Variants in GALNT18 observed in about 807,000 individuals in gnomAD.
The protein encoded by GALNT18 is GalNAc-transferase 18.
A neutral mutation model predicts 69.5 loss-of-function variants in GALNT18; 44 were observed. The ratio of observed to expected loss-of-function variants is 0.63; its 90% CI spans 0.50 to 0.81. The LOEUF (loss-of-function observed/expected upper bound fraction) is 0.81, where lower values mean the gene tolerates loss of function less well. Among genes scored for constraint, GALNT18 ranks in the 40% least tolerant of loss-of-function variants. The pLI, the probability that GALNT18 is intolerant of heterozygous loss-of-function variation, is 0.00. For synonymous variants in GALNT18, 364 were observed against 318.2 expected (o/e 1.14, Z -1.53); for missense variants, 715 against 810.0 (o/e 0.88, Z 1.42).
intron 1 of GALNT18, among the ~76,000 whole-genome samples, chr11:11,550,739 C>A (rs1858168492): frequency 6.6e-6 from 1 of 152,204 alleles, no homozygotes; most frequent in Admixed American, 6.5e-5. Flanking sequence ...AAGGTGGTAG[C>A]CACCCAGCCA....
At chr11:11,576,079 C>T (rs1858917602) in intron 1 of GALNT18, among the ~76,000 whole-genome samples, 1 of 152,190 alleles carries the variant, frequency 6.6e-6, no homozygotes. Flanking sequence ...TTCCACTGAA[C>T]CACTGGGCTA....
intron 3 of GALNT18, among the ~76,000 whole-genome samples, chr11:11,407,123 G>A (rs1165158069): frequency 6.6e-6 from 1 of 152,232 alleles, no homozygotes; most frequent in East Asian, 1.9e-4. Context: ...CCAAGCCCAG[G>A]ACTTGGGAAC....
intron 1 of GALNT18, among the ~76,000 whole-genome samples, chr11:11,588,881 A>T (rs1451641382): frequency 1.3e-5 from 2 of 152,214 alleles, no homozygotes; most frequent in African/African-American, 4.8e-5. Flanking sequence ...ACCATCGAAC[A>T]AGCAGTGCCC....
intron 1 of GALNT18, among the ~76,000 whole-genome samples, chr11:11,495,574 T>A (rs961435470): frequency 1.3e-5 from 2 of 152,146 alleles, no homozygotes; most frequent in Non-Finnish European, 2.9e-5. Context: ...GATGAAGTAG[T>A]TATGACAGAA....
rs553448986 is a variant in GALNT18, at chr11:11,538,191, A to G, written c.235+83168T>C. Among the ~76,000 whole-genome samples, 5 of 152,214 alleles carry G rather than the reference A, an allele frequency of 3.3e-5. No individual in the cohort carries two copies. The South Asian group carries it at 8.3e-4, about 25-fold the overall frequency. ...ATTACACAAAAAGCAAGCAGCAGAG[A>G]CAGAATTCAAACCCAATCTGACACC... On this transcript the variant is annotated intron_variant, in intron 1 of 10. Coordinates refer to ENST00000227756, the MANE Select transcript of GALNT18 (RefSeq NM_198516.3). This position sits in a 1 kb window ranked among gnomAD's most constrained non-coding sequence, Gnocchi z 5.2.
intron 1 of GALNT18, among the ~76,000 whole-genome samples, chr11:11,530,458 A>G (rs1857621055): frequency 6.6e-6 from 1 of 152,218 alleles, no homozygotes; most frequent in South Asian, 2.1e-4. Flanking sequence ...GACCCTGCTC[A>G]AAATGCCAGT....
intron 9 of GALNT18, among the ~76,000 whole-genome samples, chr11:11,316,373 T>C (rs1379084055): frequency 6.6e-6 from 1 of 152,182 alleles, no homozygotes; most frequent in Non-Finnish European, 1.5e-5. Context: ...ACTTCTGCAA[T>C]TGTCTCTGAG....
chr11:11,596,026 A>G lies in GALNT18; in HGVS notation c.235+25333T>C, dbSNP rs6485022. Among the ~76,000 whole-genome samples the G allele has an allele frequency of 0.023, 3,531 of 152,216 alleles. 149 individuals carry two copies. The highest frequency in any genetic ancestry group is 0.081 in the African/African-American group (3,358 of 41,522). ...AGAGTTCTATGATTTTATCTCTTAT[A>G]TTTAGTTCTATGATCCATTTTGAGT... is the stretch of plus-strand genomic sequence containing the variant. On this transcript the variant is annotated intron_variant, in intron 1 of 10. Transcript: ENST00000227756. The surrounding 1 kb of genome is among the most constrained non-coding windows in gnomAD (Gnocchi z 4.2).
In GALNT18 at chr11:11,320,939, C is replaced by T. The variant is rs915485829; in HGVS notation, c.1512+6147G>A. 4.6e-5 allele frequency among the ~76,000 whole-genome samples: 7 copies of T among 152,146 alleles called. No individual in the cohort carries two copies. The highest frequency in any genetic ancestry group is 2.1e-4 in the South Asian group (1 of 4,828). ...AGTTGTGCATCTGAGCATGGCCTGG[C>T]GTGAAAGGTCACCAGGACACCAAGG... On this transcript the variant is annotated intron_variant, in intron 9 of 10. Transcript: ENST00000227756. The surrounding 1 kb of genome is among the most constrained non-coding windows in gnomAD (Gnocchi z 4.9).
intron 9 of GALNT18, among the ~76,000 whole-genome samples, chr11:11,313,570 T>C (rs748698528): frequency 2.0e-5 from 3 of 152,180 alleles, no homozygotes; most frequent in Non-Finnish European, 2.9e-5. Context: ...CACCCTGTGA[T>C]GGCTTATTGT....
chr11:11,527,642 A>C (rs1156301667), intron 1 of GALNT18, among the ~76,000 whole-genome samples: 1 of 152,192 alleles, frequency 6.6e-6, no homozygotes, highest in Non-Finnish European at 1.5e-5. Flanking sequence ...TAAAACCCTA[A>C]GTCTAAATGT....
intron 10 of GALNT18, among the ~76,000 whole-genome samples, chr11:11,291,364 G>A (rs1564882459): frequency 6.6e-6 from 1 of 152,172 alleles, no homozygotes; most frequent in African/African-American, 2.4e-5. Context: ...TGAGCACCTT[G>A]GGCATGTTCG....
At chr11:11,615,872 G>A (rs984971088) in intron 1 of GALNT18, among the ~76,000 whole-genome samples, 11 of 152,142 alleles carry the variant, frequency 7.2e-5, no homozygotes, top group African/African-American at 2.7e-4. Context: ...GAAAACCACT[G>A]CCCTAAGGCA....
chr11:11,325,666 G>T (rs558159926), intron 9 of GALNT18, among the ~76,000 whole-genome samples: 52 of 152,216 alleles, frequency 3.4e-4, no homozygotes, highest in African/African-American at 1.2e-3. Context: ...AATTGATTAA[G>T]CTGTACACTT....
chr11:11,355,676 C>A (rs1850516670), intron 6 of GALNT18, among the ~76,000 whole-genome samples: 1 of 152,162 alleles, frequency 6.6e-6, no homozygotes, highest in Non-Finnish European at 1.5e-5. Context: ...CTAATCTTTT[C>A]CCTCCCCTAG....
chr11:11,387,731 TAAAG>T lies in GALNT18; in HGVS notation c.596-8471_596-8468del, dbSNP rs1325036269. 6.6e-6 allele frequency among the ~76,000 whole-genome samples: 1 copy of T among 152,192 alleles called. No individual in the cohort carries two copies. Among genetic ancestry groups the T allele is most frequent in the African/African-American group, 2.4e-5 (1 of 41,460 alleles). On this transcript the variant is annotated intron_variant, in intron 3 of 10. Transcript: ENST00000227756. The surrounding 1 kb of genome is among the most constrained non-coding windows in gnomAD (Gnocchi z 4.6). ...ATCACATGGGAAGCTAAAAATTAAA[TAAAG>T]ACAGATGTCACCGTCCGCACCTCCA... is the stretch of plus-strand genomic sequence containing the variant.
At chr11:11,473,843 T>C (rs566695948) in intron 1 of GALNT18, among the ~76,000 whole-genome samples, 163 of 152,306 alleles carry the variant, frequency 1.1e-3, no homozygotes, top group African/African-American at 3.4e-3. Context: ...AGTGGGAAGA[T>C]TACTTGAGGT....
chr11:11,307,163 C>T (rs1378440999), intron 9 of GALNT18, among the ~76,000 whole-genome samples: 1 of 93,730 alleles, frequency 1.1e-5, no homozygotes, highest in East Asian at 2.5e-4. Flanking sequence ...AAATTGCCTG[C>T]TCTCAGGAAA....
chr11:11,613,806 T>C lies in GALNT18; in HGVS notation c.235+7553A>G, dbSNP rs1342865996. Among the ~76,000 whole-genome samples, 1 of 152,222 alleles carries C rather than the reference T, an allele frequency of 6.6e-6. No homozygotes were observed. Among genetic ancestry groups the C allele is most frequent in the Non-Finnish European group, 1.5e-5 (1 of 68,042 alleles). On this transcript the variant is annotated intron_variant, in intron 1 of 10. Coordinates refer to ENST00000227756, the MANE Select transcript of GALNT18 (RefSeq NM_198516.3). This position sits in a 1 kb window ranked among gnomAD's most constrained non-coding sequence, Gnocchi z 4.2. ...TTAGCCACCAGTGGACCTCAGTCACTCTGCCTCTTGCTCCTGACTTGAGTG... is the reference window on the plus strand; with the variant it reads ...TTAGCCACCAGTGGACCTCAGTCACCCTGCCTCTTGCTCCTGACTTGAGTG...
Sources: allele counts gnomAD v4.1 joint callset (sites outside exome capture counted in the v4.1 genomes callset), GRCh38; gene constraint gnomAD v4.1.1; non-coding constraint Gnocchi (gnomAD v3.1); transcripts MANE v1.5; gene names NCBI Gene and HGNC (gene_info 2026-07-23, HGNC 2026-07-21).